Variants in BAHD1 observed in about 807,000 individuals in gnomAD.
BAHD1 encodes the protein bromo adjacent homology domain containing 1.
A neutral mutation model predicts 63.1 loss-of-function variants in BAHD1; 20 were observed. The ratio of observed to expected loss-of-function variants is 0.32; its 90% CI spans 0.22 to 0.46. The LOEUF is 0.46. Ranked by LOEUF, BAHD1 falls within the 20% of genes least tolerant of loss-of-function variation. The pLI is 1.00. For missense variants in BAHD1, 939 were observed against 1,071.8 expected (o/e 0.88, Z 1.73); for synonymous variants, 408 against 426.8 (o/e 0.96, Z 0.54).
chr15:40,444,643 G>T (rs1347406810), intron 1 of BAHD1, among the ~76,000 whole-genome samples: 1 of 144,580 alleles, frequency 6.9e-6, no homozygotes, highest in Non-Finnish European at 1.5e-5. Context: ...TTTGGAAGAG[G>T]TGTTTATGGG....
chr15:40,439,665 G>C (rs1301913347), upstream of BAHD1: 2 of 152,754 alleles, frequency 1.3e-5, no homozygotes, highest in Non-Finnish European at 2.9e-5. Context: ...ACCTCCTAAA[G>C]CTCCCCTCCC....
intron 1 of BAHD1, among the ~76,000 whole-genome samples, chr15:40,448,264 C>CA (rs1209883335): frequency 2.0e-5 from 3 of 151,738 alleles, no homozygotes; most frequent in Admixed American, 6.6e-5. Context: ...AAGTTTCTTT[C>CA]AAAAAAAATT....
At chr15:40,439,338 G>T (rs536357547), upstream of BAHD1, among the ~76,000 whole-genome samples, 2 of 152,244 alleles carry the variant, frequency 1.3e-5, no homozygotes, top group South Asian at 4.1e-4. Context: ...CAGCTCTGGA[G>T]GCAGATGGGG....
intron 1 of BAHD1, among the ~76,000 whole-genome samples, chr15:40,453,278 T>A (rs1893758435): frequency 6.6e-6 from 1 of 152,218 alleles, no homozygotes; most frequent in African/African-American, 2.4e-5. Flanking sequence ...TACCAGCTCT[T>A]TAAGAGATTC....
intron 1 of BAHD1, among the ~76,000 whole-genome samples, chr15:40,448,481 A>G (rs1253555896): frequency 1.3e-5 from 2 of 152,198 alleles, no homozygotes; most frequent in Admixed American, 6.5e-5. Context: ...AGTGTGTTGC[A>G]GTGCAGGAAG....
At chr15:40,460,812 CTT>C (rs1894017723) in intron 2 of BAHD1, among the ~76,000 whole-genome samples, 1 of 152,178 alleles carries the variant, frequency 6.6e-6, no homozygotes, top group South Asian at 2.1e-4. Flanking sequence ...TATAAAACAA[CTT>C]TATAGACCAG....
rs1555408575 is a variant in BAHD1 at position 40,447,611 on chromosome 15, T to TAAAA, written c.-15+6345_-15+6348dup. 2.4e-3 allele frequency among the ~76,000 whole-genome samples: 343 copies of TAAAA among 144,134 alleles called. 4 individuals carry two copies. The highest frequency in any genetic ancestry group is 0.011 in the Middle Eastern group (3 of 278). The allele number at this position is 144,134 out of a possible 152,430, so 94.6% of individuals were successfully genotyped here. A position where few individuals can be genotyped will look rare whatever the true frequency, so the allele number is the denominator to read the frequency against. ...ATAAATAAATAAATAAATAAATAAA[T>TAAAA]AAAAATAAAAATGATTGAATAACTG... On this transcript the variant is annotated intron_variant, in intron 1 of 6. Coordinates refer to ENST00000416165, the MANE Select transcript of BAHD1 (RefSeq NM_014952.5).
At chr15:40,439,861 T>C (rs1399344697), upstream of BAHD1, 1 of 152,292 alleles carries the variant, frequency 6.6e-6, no homozygotes, top group Non-Finnish European at 1.5e-5. Flanking sequence ...TAGCCTGCTG[T>C]GCCCACCCAC....
In BAHD1 at chr15:40,441,063, C is replaced by T. The variant is rs1159774540; in HGVS notation, c.-220C>T. ...TCCGGCCCCCGCCGTCCGCCCGCCCCGGCCAGGCGCGCCCGCCCCCCCCGA... is the reference window on the plus strand; with the variant it reads ...TCCGGCCCCCGCCGTCCGCCCGCCCTGGCCAGGCGCGCCCGCCCCCCCCGA... On this transcript the variant is annotated 5_prime_UTR_variant, in exon 1 of 7. Transcript: ENST00000416165. 1 of 146,384 alleles carries T rather than the reference C, an allele frequency of 6.8e-6. No individual in the cohort carries two copies. The highest frequency in any genetic ancestry group is 1.5e-5 in the Non-Finnish European group (1 of 65,716). The allele number at this position is 146,384 out of a possible 1,614,324, so 9.1% of individuals were successfully genotyped here.
intron 6 of BAHD1, 69 bp from the exon 7 acceptor site, chr15:40,465,872 G>A: frequency 6.7e-7 from 1 of 1,489,818 alleles, no homozygotes; most frequent in Non-Finnish European, 9.0e-7. Flanking sequence ...GGTAGGGTAG[G>A]GTAGGGAAGG....
chr15:40,448,610 C>A (rs1231515030), intron 1 of BAHD1, among the ~76,000 whole-genome samples: 1 of 152,142 alleles, frequency 6.6e-6, no homozygotes, highest in Non-Finnish European at 1.5e-5. Context: ...GATCATGGTT[C>A]ATTACAGCTT....
rs865799535 is a variant in BAHD1 at position 40,466,731 on chromosome 15, G to A, written c.*601G>A. 6.6e-6 allele frequency: 1 copy of A among 152,538 alleles called. No homozygotes were observed. The highest frequency in any genetic ancestry group is 1.5e-5 in the Non-Finnish European group (1 of 68,108). 9.4% of individuals were successfully genotyped at this position (152,538 alleles called of 1,614,324 possible). A position where few individuals can be genotyped will look rare whatever the true frequency, so the allele number is the denominator to read the frequency against. On this transcript the variant is annotated 3_prime_UTR_variant, in exon 7 of 7. Transcript: ENST00000416165. The stretch of plus-strand genomic sequence containing the variant: ...GGCTTTCCTCCTTTGCCCTGCAGTA[G>A]CAACTGGTGCTGGGACAAGTTGACC...
chr15:40,455,100 G>A (rs530141412), intron 1 of BAHD1, among the ~76,000 whole-genome samples: 22 of 152,354 alleles, frequency 1.4e-4, no homozygotes, highest in South Asian at 1.0e-3. Context: ...TTAAGATGCC[G>A]AGTGGCTGGA....
At chr15:40,448,514 A>G (rs1659563) in intron 1 of BAHD1, among the ~76,000 whole-genome samples, 105,748 of 151,922 alleles carry the variant, frequency 0.7, 38,816 homozygotes, top group East Asian at 0.99. Context: ...TGTAGATGCC[A>G]GGATGGCTCA....
intron 1 of BAHD1, among the ~76,000 whole-genome samples, chr15:40,447,143 C>G (rs1249137556): frequency 2.0e-5 from 3 of 152,138 alleles, no homozygotes; most frequent in African/African-American, 7.2e-5. Context: ...AACAAGTATG[C>G]CAGAAGGAGG....
intron 1 of BAHD1, among the ~76,000 whole-genome samples, chr15:40,441,705 G>T (rs1385612881): frequency 4.0e-5 from 6 of 148,542 alleles, no homozygotes; most frequent in Middle Eastern, 3.2e-3. Context: ...CCGAGTGCGC[G>T]GGCGGCGAGG....
In BAHD1 at chr15:40,458,499, T is replaced by C. The variant is rs1341938938; in HGVS notation, c.35T>C (p.Leu12Pro). 13 of 1,605,206 alleles carry C rather than the reference T, an allele frequency of 8.1e-6. No individual in the cohort carries two copies. Among genetic ancestry groups the C allele is most frequent in the South Asian group, 7.8e-5 (7 of 90,220 alleles). Residue 12 changes from leucine (L) to proline (P), a missense_variant, in exon 2 of 7, where the codon CTG becomes CCG. Coordinates refer to ENST00000416165, the MANE Select transcript of BAHD1 (RefSeq NM_014952.5). The surrounding 1 kb of genome is among the most constrained non-coding windows in gnomAD (Gnocchi z 4.7). ...ACTCGGAGAAAGTCCCTTCCCATGC[T>C]GAGTTCGGGCCTCACTGGCCGCCGA... is the stretch of plus-strand genomic sequence containing the variant. ...THTRRKSLPM[L>P]SSGLTGRREP...
At chr15:40,448,301 C>T (rs1300809188) in intron 1 of BAHD1, among the ~76,000 whole-genome samples, 4 of 152,074 alleles carry the variant, frequency 2.6e-5, no homozygotes, top group Non-Finnish European at 5.9e-5. Context: ...CGTTCTAGCC[C>T]ATAGATGCCA....
chr15:40,447,560 G>GAATAAATAAATA (rs145969802), intron 1 of BAHD1, among the ~76,000 whole-genome samples: 13 of 138,778 alleles, frequency 9.4e-5, no homozygotes, highest in East Asian at 2.1e-4. Flanking sequence ...TCTGTCTCCA[G>GAATAAATAAATA]AATAAATAAA....
Sources: allele counts gnomAD v4.1 joint callset (sites outside exome capture counted in the v4.1 genomes callset), GRCh38; gene constraint gnomAD v4.1.1; non-coding constraint Gnocchi (gnomAD v3.1); transcripts MANE v1.5; gene names NCBI Gene and HGNC (gene_info 2026-07-23, HGNC 2026-07-21).